TSHZ2: variants seen among roughly 807,000 people sequenced by gnomAD.
The protein encoded by TSHZ2 is teashirt zinc finger homeobox 2.
A neutral mutation model predicts 74.4 loss-of-function variants in TSHZ2; 21 were observed. The observed-to-expected ratio is 0.28, with a 90% CI of 0.20 to 0.41. The LOEUF is 0.41. Among genes scored for constraint, TSHZ2 ranks in the 10% least tolerant of loss-of-function variants. The pLI is 1.00. For synonymous variants in TSHZ2, 540 were observed against 515.3 expected (o/e 1.05, Z -0.65); for missense variants, 1,244 against 1,293.5 (o/e 0.96, Z 0.59).
chr20:53,026,999 C>T (rs1034438121), intron 1 of TSHZ2, among the ~76,000 whole-genome samples: 4 of 151,606 alleles, frequency 2.6e-5, no homozygotes, highest in African/African-American at 9.7e-5. Flanking sequence ...AACATAAATA[C>T]ATAAATAAAC....
chr20:53,205,755 C>T (rs1268408260), intron 1 of TSHZ2, among the ~76,000 whole-genome samples: 1 of 152,150 alleles, frequency 6.6e-6, no homozygotes, highest in East Asian at 1.9e-4. Flanking sequence ...TCAATGCCTT[C>T]ATCTGCTTCT....
chr20:52,981,807 A>G (rs779473022), intron 1 of TSHZ2, among the ~76,000 whole-genome samples: 1 of 152,216 alleles, frequency 6.6e-6, no homozygotes, highest in African/African-American at 2.4e-5. Context: ...CTGCCACTAA[A>G]CAAGTGCTTT....
Position 53,489,601 on chromosome 20 carries a change from G to GA in TSHZ2, c.*2472dup, listed in dbSNP as rs1280899412. The stretch of plus-strand genomic sequence containing the variant: ...TGGAAATTGTTTCCCTTCTAAGGAA[G>GA]AAAAAATAAATCATCTGCTTCAACA... On this transcript the variant is annotated 3_prime_UTR_variant, in exon 3 of 3. Coordinates refer to ENST00000371497, the MANE Select transcript of TSHZ2 (RefSeq NM_173485.6). 6.3e-6 allele frequency: 1 copy of GA among 159,502 alleles called. No homozygotes were observed. Among genetic ancestry groups the GA allele is most frequent in the Non-Finnish European group, 1.4e-5 (1 of 72,368 alleles). 9.9% of individuals were successfully genotyped at this position (159,502 alleles called of 1,614,324 possible). A position where few individuals can be genotyped will look rare whatever the true frequency, so the allele number is the denominator to read the frequency against.
At chr20:53,149,492 G>A (rs1987625165) in intron 1 of TSHZ2, among the ~76,000 whole-genome samples, 1 of 152,182 alleles carries the variant, frequency 6.6e-6, no homozygotes, top group Non-Finnish European at 1.5e-5. Context: ...AGGAGTTTCT[G>A]CCAGGGGCAT....
chr20:53,469,045 TTATATATATATA>T (rs143724013), intron 2 of TSHZ2, among the ~76,000 whole-genome samples: 725 of 49,126 alleles, frequency 0.015, 31 homozygotes, highest in Non-Finnish European at 0.016. Context: ...AATCGATATT[TTATATATATATA>T]TATATATATA....
chr20:53,190,046 C>G (rs1221135942), intron 1 of TSHZ2, among the ~76,000 whole-genome samples: 5 of 128,510 alleles, frequency 3.9e-5, no homozygotes. Context: ...GATCATGCCA[C>G]TGTACTCCAG....
chr20:53,262,385 G>A (rs1284183597), intron 2 of TSHZ2, among the ~76,000 whole-genome samples: 1 of 152,108 alleles, frequency 6.6e-6, no homozygotes, highest in South Asian at 2.1e-4. Flanking sequence ...ATGAGCAGGC[G>A]TTCATGATTG....
chr20:53,426,251 G>T (rs1162613648), intron 2 of TSHZ2, among the ~76,000 whole-genome samples: 2 of 152,300 alleles, frequency 1.3e-5, no homozygotes, highest in East Asian at 3.9e-4. Context: ...AAGTCCTCAA[G>T]TTGTAAGCTT....
At chr20:53,379,068 C>G (rs1342108323) in intron 2 of TSHZ2, among the ~76,000 whole-genome samples, 1 of 152,140 alleles carries the variant, frequency 6.6e-6, no homozygotes, top group African/African-American at 2.4e-5. Flanking sequence ...TCTCACCTAG[C>G]ACAGTGCTTG....
chr20:53,371,739 G>A (rs1005743213), intron 2 of TSHZ2, among the ~76,000 whole-genome samples: 6 of 152,024 alleles, frequency 3.9e-5, no homozygotes, highest in South Asian at 2.1e-4. Flanking sequence ...AGCGGGGCAT[G>A]GTGGCACATG....
chr20:53,469,087 A>G (rs1413064006), intron 2 of TSHZ2, among the ~76,000 whole-genome samples: 1 of 137,188 alleles, frequency 7.3e-6, no homozygotes, highest in Non-Finnish European at 1.6e-5. Context: ...ATATATATGT[A>G]CATATTCTAA....
rs11411794 is a variant in TSHZ2, at chr20:53,436,548, A to ATTT, written c.*9-50582_*9-50580dup. On this transcript the variant is annotated intron_variant, in intron 2 of 2. Coordinates refer to ENST00000371497, the MANE Select transcript of TSHZ2 (RefSeq NM_173485.6). Reference sequence around the variant, plus strand: ...ATTTATTATTATTATTATTATTATTATTTTTTTTTTTTTTTTAGATGGAGC... The same window carrying ATTT: ...ATTTATTATTATTATTATTATTATTATTTTTTTTTTTTTTTTTTTAGATGGAGC... Among the ~76,000 whole-genome samples, 8 of 99,920 alleles carry ATTT rather than the reference A, an allele frequency of 8.0e-5. No homozygotes were observed. The South Asian group carries it at 1.1e-3, about 14-fold the overall frequency. 65.6% of individuals were successfully genotyped at this position (99,920 alleles called of 152,430 possible).
intron 1 of TSHZ2, among the ~76,000 whole-genome samples, chr20:53,092,684 T>G (rs1348752130): frequency 6.6e-6 from 1 of 152,212 alleles, no homozygotes; most frequent in Non-Finnish European, 1.5e-5. Flanking sequence ...AAATACTACA[T>G]GAGAACGGAG....
intron 1 of TSHZ2, among the ~76,000 whole-genome samples, chr20:53,136,935 TTACA>T (rs1486499881): frequency 6.6e-6 from 1 of 152,136 alleles, no homozygotes; most frequent in South Asian, 2.1e-4. Flanking sequence ...TATTCCGATC[TTACA>T]TACAGAAGCA....
chr20:53,418,817 C>T (rs116074835), intron 2 of TSHZ2, among the ~76,000 whole-genome samples: 2,554 of 152,274 alleles, frequency 0.017, 73 homozygotes, highest in African/African-American at 0.058. Flanking sequence ...CACTCGCTCC[C>T]AGCTCAGTCC....
At chr20:53,054,747 C>A (rs1227486231) in intron 1 of TSHZ2, among the ~76,000 whole-genome samples, 1 of 151,974 alleles carries the variant, frequency 6.6e-6, no homozygotes, top group African/African-American at 2.4e-5. Context: ...TCCTTTTTTT[C>A]TCCCTTATGT....
intron 1 of TSHZ2, among the ~76,000 whole-genome samples, chr20:53,127,017 GTAA>G (rs1290621272): frequency 6.6e-6 from 1 of 151,044 alleles, no homozygotes; most frequent in African/African-American, 2.5e-5. Context: ...AAGGAAAAAG[GTAA>G]AAAAAAAGAA....
At chr20:53,147,303 C>G (rs1292658451) in intron 1 of TSHZ2, among the ~76,000 whole-genome samples, 4 of 152,146 alleles carry the variant, frequency 2.6e-5, no homozygotes. Context: ...GCTCAGCTTT[C>G]TTTTCATCCC....
chr20:53,386,282 C>T (rs955652193), intron 2 of TSHZ2, among the ~76,000 whole-genome samples: 4 of 152,214 alleles, frequency 2.6e-5, no homozygotes, highest in Non-Finnish European at 5.9e-5. Flanking sequence ...TTGCAACCGG[C>T]TTCCTGGGGG....
Sources: allele counts gnomAD v4.1 joint callset (sites outside exome capture counted in the v4.1 genomes callset), GRCh38; gene constraint gnomAD v4.1.1; transcripts MANE v1.5; gene names NCBI Gene and HGNC (gene_info 2026-07-23, HGNC 2026-07-21).